The following PRDM16 variants were observed in gnomAD, a reference collection of about 807,000 sequenced individuals.
PRDM16 encodes PR/SET domain 16.
A neutral mutation model predicts 110.6 loss-of-function variants in PRDM16; 23 were observed. That is an observed-to-expected ratio of 0.21 (90% CI 0.15 to 0.29). The LOEUF is 0.29. Among genes scored for constraint, PRDM16 ranks in the 10% least tolerant of loss-of-function variants. The pLI, the probability that PRDM16 is intolerant of heterozygous loss-of-function variation, is 1.00. For missense variants in PRDM16, 1,615 were observed against 1,794.3 expected, an observed-to-expected ratio of 0.90 and a Z score of 1.81; for synonymous variants, 799 against 781.8, an observed-to-expected ratio of 1.02 and a Z score of -0.37.
Position 3,344,074 on chromosome 1 carries a change from T to C in PRDM16, c.439-41078T>C, listed in dbSNP as rs560281174. 2.0e-4 allele frequency among the ~76,000 whole-genome samples: 30 copies of C among 152,338 alleles called. No individual in the cohort carries two copies. In the East Asian group the frequency reaches 4.2e-3, roughly 22 times the overall value. On this transcript the variant is annotated intron_variant, in intron 3 of 16. Coordinates refer to ENST00000270722, the MANE Select transcript of PRDM16 (RefSeq NM_022114.4). Reference sequence around the variant, plus strand: ...TCCTTGGGCTGGGTGTGGTGGCTCATGCTGGTGATCCCAGTGCTCTGGGAG... The same window carrying C: ...TCCTTGGGCTGGGTGTGGTGGCTCACGCTGGTGATCCCAGTGCTCTGGGAG...
intron 3 of PRDM16, among the ~76,000 whole-genome samples, chr1:3,284,082 T>A (rs1640794052): frequency 6.6e-6 from 1 of 152,108 alleles, no homozygotes; most frequent in Non-Finnish European, 1.5e-5. Flanking sequence ...TCCCATGGCC[T>A]GGGCCTGGGG....
intron 3 of PRDM16, among the ~76,000 whole-genome samples, chr1:3,314,576 T>C (rs1456751841): frequency 3.3e-5 from 5 of 151,876 alleles, no homozygotes; most frequent in Non-Finnish European, 7.4e-5. Context: ...GTTCTCTCTC[T>C]CTCTCCTCTC....
chr1:3,214,746 T>G (rs1286869686), intron 2 of PRDM16, among the ~76,000 whole-genome samples: 1 of 152,234 alleles, frequency 6.6e-6, no homozygotes, highest in Non-Finnish European at 1.5e-5. Context: ...AATAGTGTGT[T>G]GGGCCCCTGT....
intron 3 of PRDM16, among the ~76,000 whole-genome samples, chr1:3,283,060 A>C (rs1490511137): frequency 2.0e-5 from 3 of 152,210 alleles, no homozygotes; most frequent in African/African-American, 7.2e-5. Context: ...GGTGGGAGGC[A>C]GCGCTTCCCG....
At chr1:3,236,030 CT>C (rs1196638523) in intron 2 of PRDM16, among the ~76,000 whole-genome samples, 1 of 152,134 alleles carries the variant, frequency 6.6e-6, no homozygotes, top group Non-Finnish European at 1.5e-5. Context: ...ACTCTCTCCT[CT>C]CTGGAAAGGG....
intron 1 of PRDM16, among the ~76,000 whole-genome samples, chr1:3,138,412 C>T (rs1643481977): frequency 6.6e-6 from 1 of 152,244 alleles, no homozygotes; most frequent in African/African-American, 2.4e-5. Flanking sequence ...ACCCTGGGCC[C>T]CCTGTGGTGT....
chr1:3,213,799 G>A lies in PRDM16; in HGVS notation c.387+27325G>A, dbSNP rs962795420. On this transcript the variant is annotated intron_variant, in intron 2 of 16. Coordinates refer to ENST00000270722, the MANE Select transcript of PRDM16 (RefSeq NM_022114.4). This position sits in a 1 kb window ranked among gnomAD's most constrained non-coding sequence, Gnocchi z 5.3. Reference sequence around the variant, plus strand: ...CCTACAAACAAGGTCAGCCAGGGCCGTAGACCAAGGACTCCCGAGGCCAAG... The same window carrying A: ...CCTACAAACAAGGTCAGCCAGGGCCATAGACCAAGGACTCCCGAGGCCAAG... Among the ~76,000 whole-genome samples the A allele has an allele frequency of 1.1e-4, 17 of 152,116 alleles. No homozygotes were observed. The highest frequency in any genetic ancestry group is 1.9e-4 in the African/African-American group (8 of 41,410).
chr1:3,294,265 A>C (rs769101139), intron 3 of PRDM16, among the ~76,000 whole-genome samples: 5 of 152,056 alleles, frequency 3.3e-5, no homozygotes, highest in Non-Finnish European at 4.4e-5. Context: ...GCTGGCTAGG[A>C]ATTGCTGTGG....
intron 1 of PRDM16, among the ~76,000 whole-genome samples, chr1:3,104,388 G>T (rs563248371): frequency 6.6e-6 from 1 of 152,214 alleles, no homozygotes; most frequent in Non-Finnish European, 1.5e-5. Flanking sequence ...AAGCGCCTCC[G>T]TGCACAGGGC....
At chr1:3,354,022 G>C (rs945101584) in intron 3 of PRDM16, among the ~76,000 whole-genome samples, 2 of 152,190 alleles carry the variant, frequency 1.3e-5, no homozygotes, top group Non-Finnish European at 2.9e-5. Context: ...CTCCTGCCCA[G>C]CCACGCCCAT....
chr1:3,102,600 A>G (rs937973331), intron 1 of PRDM16, among the ~76,000 whole-genome samples: 2 of 152,202 alleles, frequency 1.3e-5, no homozygotes, highest in Admixed American at 6.5e-5. Flanking sequence ...GGTTTTCTGC[A>G]CTGTGCATGG....
chr1:3,103,257 T>G (rs991140219), intron 1 of PRDM16, among the ~76,000 whole-genome samples: 2 of 152,226 alleles, frequency 1.3e-5, no homozygotes, highest in Admixed American at 1.3e-4. Context: ...TGGTGCTGTT[T>G]GCTCCTGAGG....
intron 3 of PRDM16, among the ~76,000 whole-genome samples, chr1:3,292,583 T>C (rs899395924): frequency 6.6e-6 from 1 of 152,110 alleles, no homozygotes; most frequent in Non-Finnish European, 1.5e-5. Context: ...GAGAGTGGCT[T>C]GTCCAGACGA....
chr1:3,405,175 G>C (rs886314050), intron 7 of PRDM16, among the ~76,000 whole-genome samples: 1 of 152,130 alleles, frequency 6.6e-6, no homozygotes, highest in Non-Finnish European at 1.5e-5. Context: ...AGGCTGGCGG[G>C]GCTGAGCCGA....
chr1:3,152,706 T>C (rs890628357), intron 1 of PRDM16, among the ~76,000 whole-genome samples: 4 of 152,156 alleles, frequency 2.6e-5, no homozygotes, highest in African/African-American at 9.7e-5. Context: ...GTCCATCTGG[T>C]TTCTGATGCG....
At position 3,209,944 on chromosome 1, in the gene PRDM16, A is replaced by G. The variant is rs925521894; in HGVS notation, c.387+23470A>G. On this transcript the variant is annotated intron_variant, in intron 2 of 16. Transcript: ENST00000270722. The surrounding 1 kb of genome is among the most constrained non-coding windows in gnomAD (Gnocchi z 4.6). ...CCCTTTCACAGAACTCTTACTTAAC[A>G]TGGAAAATATCGTAGCATTTTCTAG... Among the ~76,000 whole-genome samples the G allele has an allele frequency of 5.3e-5, 8 of 152,350 alleles. No individual in the cohort carries two copies. Among genetic ancestry groups the G allele is most frequent in the Non-Finnish European group, 1.2e-4 (8 of 68,032 alleles).
intron 1 of PRDM16, among the ~76,000 whole-genome samples, chr1:3,071,554 C>G (rs969277528): frequency 4.6e-5 from 7 of 152,368 alleles, no homozygotes; most frequent in Admixed American, 1.3e-4. Flanking sequence ...GGTTCAGGAT[C>G]ACACTGCCTG....
At chr1:3,378,331 C>T (rs1243307755) in intron 3 of PRDM16, among the ~76,000 whole-genome samples, 2 of 152,176 alleles carry the variant, frequency 1.3e-5, no homozygotes, top group African/African-American at 2.4e-5. Flanking sequence ...CTTGTGGGTG[C>T]TGGCAAGTCT....
At chr1:3,140,558 G>T (rs756644503) in intron 1 of PRDM16, among the ~76,000 whole-genome samples, 1 of 152,190 alleles carries the variant, frequency 6.6e-6, no homozygotes, top group East Asian at 1.9e-4. Context: ...TTAAAACCAC[G>T]TTGGCTCTCT....
Sources: gnomAD v4.1 joint callset for allele counts (sites outside exome capture counted in the v4.1 genomes callset) on GRCh38, gnomAD v4.1.1 for gene constraint, Gnocchi (gnomAD v3.1) non-coding constraint, MANE v1.5 for transcripts, NCBI Gene and HGNC (gene_info 2026-07-23, HGNC 2026-07-21) for gene names.